The following WWOX variants were observed in gnomAD, a reference collection of about 807,000 sequenced individuals.
The protein encoded by WWOX is WW domain containing oxidoreductase.
A neutral mutation model predicts 46.2 loss-of-function variants in WWOX; 69 were observed. The ratio of observed to expected loss-of-function variants is 1.49; its 90% CI spans 1.23 to 1.82. The LOEUF (loss-of-function observed/expected upper bound fraction) is 1.82. Ranked by LOEUF, WWOX falls within the 40% of genes most tolerant of loss-of-function variation. WWOX has a pLI of 0.00. For missense variants in WWOX, 919 were observed against 542.6 expected (o/e 1.69, Z -6.89); for synonymous variants, 359 against 202.6 (o/e 1.77, Z -6.56).
At chr16:78,379,094 A>G (rs1440011743) in intron 5 of WWOX, among the ~76,000 whole-genome samples, 2 of 152,278 alleles carry the variant, frequency 1.3e-5, no homozygotes, top group East Asian at 3.9e-4. Context: ...AAAATGGGGA[A>G]AATTATAGAT....
At chr16:79,168,941 A>G (rs961979517) in intron 8 of WWOX, among the ~76,000 whole-genome samples, 14 of 152,242 alleles carry the variant, frequency 9.2e-5, no homozygotes, top group African/African-American at 1.9e-4. Flanking sequence ...TATACAAACT[A>G]TCTCACTTTG....
chr16:78,108,410 TG>T lies in WWOX; in HGVS notation c.108-12del, dbSNP rs149533117. On this transcript the variant is annotated splice_polypyrimidine_tract_variant and intron_variant, in intron 1 of 8. Transcript: ENST00000566780. Reference sequence around the variant, plus strand: ...TTTTTACTTATTACTGTGGATTTTTTGTTTTTTAACAGTCACACCGAGGAGA... The same window carrying T: ...TTTTTACTTATTACTGTGGATTTTTTTTTTTTAACAGTCACACCGAGGAGA... The T allele has an allele frequency of 0.019, 27,159 of 1,403,226 alleles. 64 individuals carry two copies. The highest frequency in any genetic ancestry group is 0.053 in the African/African-American group (3,803 of 71,582). The allele number at this position is 1,403,226 out of a possible 1,614,324, so 86.9% of individuals were successfully genotyped here. A position where few individuals can be genotyped will look rare whatever the true frequency, so the allele number is the denominator to read the frequency against.
intron 8 of WWOX, chr16:78,891,510 A>T (rs966047894): frequency 6.6e-6 from 1 of 152,214 alleles, no homozygotes; most frequent in African/African-American, 2.4e-5. Context: ...CCATGCAGCA[A>T]TTATAAATTA....
chr16:79,080,437 C>T (rs981469807), intron 8 of WWOX, among the ~76,000 whole-genome samples: 1 of 152,284 alleles, frequency 6.6e-6, no homozygotes, highest in East Asian at 1.9e-4. Context: ...ATCCCAAATC[C>T]AAATTCCTGG....
intron 8 of WWOX, among the ~76,000 whole-genome samples, chr16:78,604,258 C>G (rs539038626): frequency 1.3e-5 from 2 of 152,266 alleles, no homozygotes; most frequent in Non-Finnish European, 2.9e-5. Context: ...CTGGGGCACC[C>G]TTCCTTATTT....
chr16:78,981,463 A>C (rs2046680798), intron 8 of WWOX, among the ~76,000 whole-genome samples: 1 of 148,306 alleles, frequency 6.7e-6, no homozygotes, highest in African/African-American at 2.5e-5. Context: ...TTTTAGGTGG[A>C]GTCTTGCTCT....
At position 78,115,067 on chromosome 16, in the gene WWOX, G is replaced by C; in HGVS notation, c.322G>C (p.Asp108His). 1 of 1,614,174 alleles carries C rather than the reference G, an allele frequency of 6.2e-7. No homozygotes were observed. The highest frequency in any genetic ancestry group is 1.6e-4 in the Middle Eastern group (1 of 6,062). ...CAAGCCAACCACCCGGCAAAGATAC[G>C]ACGGCAGCACCACTGCCATGGAAAT... is the stretch of plus-strand genomic sequence containing the variant. ...PTKPTTRQRY[D>H]GSTTAMEILQ... The change falls in exon 4 of 9, where the codon GAC becomes CAC. Residue 108 changes from aspartate (D) to histidine (H), a missense_variant. By Grantham distance (81) the Asp-to-His change is moderately conservative. Transcript: ENST00000566780.
At chr16:78,198,329 C>G (rs1043644799) in intron 5 of WWOX, among the ~76,000 whole-genome samples, 8 of 152,152 alleles carry the variant, frequency 5.3e-5, no homozygotes, top group Admixed American at 5.2e-4. Flanking sequence ...ACGACACCCT[C>G]CCCCATCCCC....
intron 5 of WWOX, among the ~76,000 whole-genome samples, chr16:78,320,924 GC>G (rs2080454138): frequency 6.6e-6 from 1 of 152,112 alleles, no homozygotes; most frequent in African/African-American, 2.4e-5. Context: ...TGCTTTGGGC[GC>G]CAGACTGCAC....
At chr16:79,202,307 C>T (rs189174565) in intron 8 of WWOX, among the ~76,000 whole-genome samples, 43 of 152,248 alleles carry the variant, frequency 2.8e-4, no homozygotes, top group African/African-American at 9.6e-4. Flanking sequence ...TGACCTGACT[C>T]AGTCTCCGTA....
intron 8 of WWOX, among the ~76,000 whole-genome samples, chr16:79,067,207 G>T (rs2048457709): frequency 6.6e-6 from 1 of 152,122 alleles, no homozygotes. Flanking sequence ...CTTTGCTTCT[G>T]GTGATTCTGA....
intron 8 of WWOX, among the ~76,000 whole-genome samples, chr16:78,926,079 G>C (rs189538344): frequency 1.3e-5 from 2 of 152,344 alleles, no homozygotes; most frequent in East Asian, 1.9e-4. Flanking sequence ...GCTCTTGGTA[G>C]AGGTTTACAG....
chr16:78,469,960 G>A (rs184720340), intron 8 of WWOX, among the ~76,000 whole-genome samples: 1 of 152,366 alleles, frequency 6.6e-6, no homozygotes, highest in East Asian at 1.9e-4. Flanking sequence ...ATGTTGGTAC[G>A]TTATTGAAGG....
chr16:79,020,550 A>T lies in WWOX; in HGVS notation c.1057-191058A>T, dbSNP rs992278188. On this transcript the variant is annotated intron_variant, in intron 8 of 8. Transcript: ENST00000566780. ...AAAGACAGGCTAGCACATACAACACAATCTATAAATGTTTGCTATTATTGT... is the reference window on the plus strand; with the variant it reads ...AAAGACAGGCTAGCACATACAACACTATCTATAAATGTTTGCTATTATTGT... 2.0e-5 allele frequency among the ~76,000 whole-genome samples: 3 copies of T among 152,294 alleles called. No individual in the cohort carries two copies. The South Asian group carries it at 6.2e-4, about 32-fold the overall frequency.
intron 5 of WWOX, among the ~76,000 whole-genome samples, chr16:78,197,673 C>A (rs1339689733): frequency 6.6e-6 from 1 of 152,186 alleles, no homozygotes; most frequent in Admixed American, 6.5e-5. Flanking sequence ...GTCTTTATTG[C>A]ATGCCAAACG....
intron 8 of WWOX, among the ~76,000 whole-genome samples, chr16:78,436,678 A>G (rs8057640): frequency 0.12 from 18,987 of 152,154 alleles, 1,494 homozygotes; most frequent in African/African-American, 0.21. Context: ...TGTCAAATTC[A>G]CAGGCATTCA....
In WWOX at chr16:78,208,133, A is replaced by G. The variant is rs549867076; in HGVS notation, c.516+43844A>G. On this transcript the variant is annotated intron_variant, in intron 5 of 8. Coordinates refer to ENST00000566780, the MANE Select transcript of WWOX (RefSeq NM_016373.4). ...TGGCCTCAGCAGTGCTCTTCTGGCTAGCTTGATCATATGCCAATGTTTTAT... is the reference window on the plus strand; with the variant it reads ...TGGCCTCAGCAGTGCTCTTCTGGCTGGCTTGATCATATGCCAATGTTTTAT... 3.9e-5 allele frequency among the ~76,000 whole-genome samples: 6 copies of G among 152,332 alleles called. No individual in the cohort carries two copies. In the South Asian group the frequency reaches 1.2e-3, roughly 32 times the overall value.
At chr16:78,291,630 GTT>G (rs2079859830) in intron 5 of WWOX, among the ~76,000 whole-genome samples, 1 of 152,078 alleles carries the variant, frequency 6.6e-6, no homozygotes, top group African/African-American at 2.4e-5. Context: ...GGATCCCCAG[GTT>G]TCAATCTGTG....
At chr16:79,077,579 CA>C (rs1439641419) in intron 8 of WWOX, 1 of 151,056 alleles carries the variant, frequency 6.6e-6, no homozygotes, top group African/African-American at 2.4e-5. Context: ...TACAAATTGT[CA>C]AGTACTTAAA....
Sources: allele counts gnomAD v4.1 joint callset (sites outside exome capture counted in the v4.1 genomes callset), GRCh38; gene constraint gnomAD v4.1.1; transcripts MANE v1.5; gene names NCBI Gene and HGNC (gene_info 2026-07-23, HGNC 2026-07-21).